Variants in ESD observed in about 807,000 individuals in gnomAD.
The protein encoded by ESD is S-formylglutathione hydrolase.
Under a neutral mutation model 38.1 loss-of-function variants are expected in ESD, and 34 were observed. That is an observed-to-expected ratio of 0.89 (90% CI 0.68 to 1.19). ESD has a LOEUF of 1.19. ESD is among the 50% of genes most tolerant of loss of function. ESD has a pLI of 0.00. For synonymous variants in ESD, 97 were observed against 107.0 expected (o/e 0.91, Z 0.58); for missense variants, 334 against 327.2 (o/e 1.02, Z -0.16).
intron 2 of ESD, among the ~76,000 whole-genome samples, chr13:46,793,003 A>C (rs1227189043): frequency 1.3e-5 from 2 of 152,108 alleles, no homozygotes; most frequent in Admixed American, 1.3e-4. Context: ...GTCTATTTTA[A>C]TAAACCTCAA....
At chr13:46,776,422 T>C (rs970806235) in intron 9 of ESD, 2 of 152,102 alleles carry the variant, frequency 1.3e-5, no homozygotes, top group African/African-American at 4.8e-5. Context: ...GAGAATATCA[T>C]GCCGTCTGAA....
upstream of ESD, chr13:46,797,224 T>TCTCGCTTTTAACTCCGAGAA (rs1875623801): frequency 6.6e-6 from 1 of 152,048 alleles, no homozygotes; most frequent in Non-Finnish European, 1.5e-5. Context: ...TCCCACTCAC[T>TCTCGCTTTTAACTCCGAGAA]CTCGCTTTTA....
At chr13:46,773,580 C>G (rs1183413563) in intron 9 of ESD, among the ~76,000 whole-genome samples, 1 of 152,132 alleles carries the variant, frequency 6.6e-6, no homozygotes, top group Non-Finnish European at 1.5e-5. Flanking sequence ...CTTCAGAGAA[C>G]AAGGAAATCC....
intron 1 of ESD, among the ~76,000 whole-genome samples, chr13:46,795,518 C>A (rs759383590): frequency 6.6e-6 from 1 of 152,194 alleles, no homozygotes; most frequent in Admixed American, 6.5e-5. Context: ...TGCCTCATCA[C>A]CCCCTGGCTG....
intron 8 of ESD, among the ~76,000 whole-genome samples, chr13:46,778,058 T>C (rs533489627): frequency 6.6e-6 from 1 of 151,882 alleles, no homozygotes; most frequent in Non-Finnish European, 1.5e-5. Flanking sequence ...TCTTTTTTTT[T>C]ATGTCTCTTC....
intron 8 of ESD, among the ~76,000 whole-genome samples, chr13:46,778,813 CA>C (rs888404539): frequency 8.6e-5 from 13 of 151,850 alleles, no homozygotes; most frequent in African/African-American, 2.9e-4. Flanking sequence ...CAAGCCTAAA[CA>C]AAACTGTAAT....
At chr13:46,792,232 T>G (rs1172736236) in intron 2 of ESD, among the ~76,000 whole-genome samples, 1 of 152,054 alleles carries the variant, frequency 6.6e-6, no homozygotes, top group East Asian at 1.9e-4. Context: ...AAAGATTCCC[T>G]TTCTATTCCT....
At chr13:46,793,872 G>A (rs2138307294) in intron 1 of ESD, among the ~76,000 whole-genome samples, 2 of 151,902 alleles carry the variant, frequency 1.3e-5, no homozygotes, top group Middle Eastern at 3.4e-3. Context: ...TTGTAACATG[G>A]GGAGAAAGAA....
chr13:46,773,539 A>G (rs967666372), intron 9 of ESD, among the ~76,000 whole-genome samples: 1 of 152,254 alleles, frequency 6.6e-6, no homozygotes, highest in Non-Finnish European at 1.5e-5. Flanking sequence ...CCTAAGAAAT[A>G]AAAATAGAGC....
At chr13:46,787,964 T>C (rs923110200) in intron 3 of ESD, among the ~76,000 whole-genome samples, 1 of 151,976 alleles carries the variant, frequency 6.6e-6, no homozygotes, top group Non-Finnish European at 1.5e-5. Flanking sequence ...AGTTATTATC[T>C]ATTGGCTTCC....
At chr13:46,784,490 G>A (rs1040484911) in intron 4 of ESD, 140 bp from the exon 5 acceptor site, 7 of 587,400 alleles carry the variant, frequency 1.2e-5, no homozygotes, top group African/African-American at 5.6e-5. Flanking sequence ...TTCACTACCC[G>A]GGTGATGGTA....
At chr13:46,784,618 AT>A (rs1185980548) in intron 4 of ESD, among the ~76,000 whole-genome samples, 2 of 152,018 alleles carry the variant, frequency 1.3e-5, no homozygotes, top group African/African-American at 4.8e-5. Context: ...CTCATGCTAT[AT>A]TGTGAATGGT....
intron 3 of ESD, among the ~76,000 whole-genome samples, chr13:46,788,470 A>G (rs1364451519): frequency 6.6e-6 from 1 of 152,076 alleles, no homozygotes; most frequent in African/African-American, 2.4e-5. Flanking sequence ...CAATACGTAA[A>G]ATCAAGAGAA....
chr13:46,781,003 A>AG (rs1874978218), intron 7 of ESD, among the ~76,000 whole-genome samples: 1 of 151,746 alleles, frequency 6.6e-6, no homozygotes, highest in Admixed American at 6.6e-5. Context: ...ACTCTGGGAA[A>AG]GGCTGAGAGT....
chr13:46,775,501 G>C, intron 9 of ESD: 1 of 373,526 alleles, frequency 2.7e-6, no homozygotes, highest in South Asian at 2.1e-5. Flanking sequence ...TACTATACTT[G>C]TAATCAAATG....
chr13:46,772,919 T>C (rs548196751), intron 9 of ESD, among the ~76,000 whole-genome samples: 63 of 152,120 alleles, frequency 4.1e-4, no homozygotes, highest in Non-Finnish European at 6.6e-4. Flanking sequence ...CTCCTGACCT[T>C]GTGATCCGTC....
intron 5 of ESD, among the ~76,000 whole-genome samples, chr13:46,783,824 T>C (rs553961456): frequency 1.2e-4 from 19 of 152,026 alleles, no homozygotes; most frequent in Non-Finnish European, 1.9e-4. Context: ...AAATCATTTA[T>C]ATTAAAACTA....
At chr13:46,782,266 T>C (rs1415325201) in intron 6 of ESD, among the ~76,000 whole-genome samples, 1 of 151,734 alleles carries the variant, frequency 6.6e-6, no homozygotes, top group Non-Finnish European at 1.5e-5. Flanking sequence ...ATAGTAACAA[T>C]GAAAATCATA....
intron 2 of ESD, 125 bp from the exon 3 acceptor site, chr13:46,791,545 T>C (rs943959782): frequency 2.4e-5 from 16 of 658,476 alleles, no homozygotes; most frequent in Admixed American, 6.5e-5. Flanking sequence ...AATTTTTTTT[T>C]CACATTTTTC....
Sources: allele counts gnomAD v4.1 joint callset (sites outside exome capture counted in the v4.1 genomes callset), GRCh38; gene constraint gnomAD v4.1.1; transcripts MANE v1.5; gene names NCBI Gene and HGNC (gene_info 2026-07-23, HGNC 2026-07-21).